Variants in ALS2CL observed in about 807,000 individuals in gnomAD.
The protein encoded by ALS2CL is ALS2 C-terminal like, also known as ALS2 C-terminal-like protein.
A neutral mutation model predicts 127.9 loss-of-function variants in ALS2CL; 112 were observed. The observed-to-expected ratio is 0.88, with a 90% CI of 0.75 to 1.02. The LOEUF (loss-of-function observed/expected upper bound fraction) is 1.02. ALS2CL is among the 50% of genes least tolerant of loss of function. The pLI is 0.00. For missense variants in ALS2CL, 1,174 were observed against 1,236.7 expected (o/e 0.95, Z 0.76); for synonymous variants, 519 against 527.6 (o/e 0.98, Z 0.22).
chr3:46,681,885 G>T lies in ALS2CL; in HGVS notation c.1175+144C>A. On this transcript the variant is annotated intron_variant, in intron 11 of 25. Coordinates refer to ENST00000318962, the MANE Select transcript of ALS2CL (RefSeq NM_147129.5). This position sits in a 1 kb window ranked among gnomAD's most constrained non-coding sequence, Gnocchi z 4.9. ...CCCCCGGTTCCCCTTTGGTACAGTGGGCGGGGGCTGGACCGGATTGTCTCT... is the reference window on the plus strand; with the variant it reads ...CCCCCGGTTCCCCTTTGGTACAGTGTGCGGGGGCTGGACCGGATTGTCTCT... The T allele has an allele frequency of 9.3e-7, 1 of 1,078,060 alleles. No homozygotes were observed. Among genetic ancestry groups the T allele is most frequent in the Non-Finnish European group, 1.4e-6 (1 of 738,322 alleles). The allele number at this position is 1,078,060 out of a possible 1,614,324, so 66.8% of individuals were successfully genotyped here. A position where few individuals can be genotyped will look rare whatever the true frequency, so the allele number is the denominator to read the frequency against.
Position 46,674,649 on chromosome 3 carries a change from C to G in ALS2CL, c.2346G>C (p.Arg782=), listed in dbSNP as rs1169646291. 3 of 1,614,150 alleles carry G rather than the reference C, an allele frequency of 1.9e-6. No individual in the cohort carries two copies. The highest frequency in any genetic ancestry group is 4.5e-5 in the East Asian group (2 of 44,866). Residue 782 remains arginine (R), a synonymous_variant, in exon 21 of 26, where the codon CGG becomes CGC. Coordinates refer to ENST00000318962, the MANE Select transcript of ALS2CL (RefSeq NM_147129.5). ...LFTLYLLLHE[R]EDSFYSQGIA... is the part of the protein sequence containing the mutation. ...TGCCCTGGCTGTAGAAGCTGTCCTC[C>G]CGCTCATGAAGCAGCAGGTAGAGCG...
chr3:46,671,462 C>T, intron 25 of ALS2CL, 26 bp downstream of exon 25: 1 of 1,613,506 alleles, frequency 6.2e-7, no homozygotes, highest in Non-Finnish European at 8.5e-7. Flanking sequence ...GCATTTCCAC[C>T]TCGGTCCACA....
Position 46,681,480 on chromosome 3 carries a change from C to T in ALS2CL, c.1274+20G>A. ...AGAGGATGGGCCCAGCCCATGAACCCCCCAGCCAGGGTCACTTACTCACAG... is the reference window on the plus strand; with the variant it reads ...AGAGGATGGGCCCAGCCCATGAACCTCCCAGCCAGGGTCACTTACTCACAG... On this transcript the variant is annotated intron_variant, in intron 12 of 25. Coordinates refer to ENST00000318962, the MANE Select transcript of ALS2CL (RefSeq NM_147129.5). The surrounding 1 kb of genome is among the most constrained non-coding windows in gnomAD (Gnocchi z 4.9). 1 of 1,614,076 alleles carries T rather than the reference C, an allele frequency of 6.2e-7. No individual in the cohort carries two copies. The highest frequency in any genetic ancestry group is 8.5e-7 in the Non-Finnish European group (1 of 1,179,924).
At position 46,681,892 on chromosome 3, in the gene ALS2CL, G is replaced by C; in HGVS notation, c.1175+137C>G. On this transcript the variant is annotated intron_variant, in intron 11 of 25. Coordinates refer to ENST00000318962, the MANE Select transcript of ALS2CL (RefSeq NM_147129.5). The surrounding 1 kb of genome is among the most constrained non-coding windows in gnomAD (Gnocchi z 4.9). ...TTCCCCTTTGGTACAGTGGGCGGGG[G>C]CTGGACCGGATTGTCTCTAAGTTCC... 2 of 1,130,736 alleles carry C rather than the reference G, an allele frequency of 1.8e-6. No individual in the cohort carries two copies. The highest frequency in any genetic ancestry group is 1.5e-5 in the South Asian group (1 of 67,220). 70.0% of individuals were successfully genotyped at this position (1,130,736 alleles called of 1,614,324 possible). A position where few individuals can be genotyped will look rare whatever the true frequency, so the allele number is the denominator to read the frequency against.
chr3:46,690,373 C>A (rs1318737525), intron 1 of ALS2CL, among the ~76,000 whole-genome samples: 1 of 152,220 alleles, frequency 6.6e-6, no homozygotes, highest in Non-Finnish European at 1.5e-5. Flanking sequence ...GGGGTGCCTG[C>A]TGGATGGGTG....
At chr3:46,677,360 T>G (rs1698943509) in intron 16 of ALS2CL, 1 of 1,110,602 alleles carries the variant, frequency 9.0e-7, no homozygotes, top group Non-Finnish European at 1.1e-6. Flanking sequence ...AGTCTGGGAT[T>G]CCCCTCCAAG....
intron 7 of ALS2CL, 43 bp downstream of exon 7, chr3:46,685,482 A>C: frequency 6.2e-7 from 1 of 1,605,684 alleles, no homozygotes; most frequent in South Asian, 1.1e-5. Flanking sequence ...AGACCCCAGA[A>C]CCCTACTGTG....
chr3:46,676,150 T>C, intron 19 of ALS2CL, 95 bp downstream of exon 19: 3 of 1,511,802 alleles, frequency 2.0e-6, no homozygotes, highest in Non-Finnish European at 2.7e-6. Context: ...AATCAGACAC[T>C]TGGCATTCCT....
intron 14 of ALS2CL, 170 bp from the exon 15 acceptor site, chr3:46,679,457 T>C (rs1699144805): frequency 1.9e-6 from 1 of 531,094 alleles, no homozygotes; most frequent in South Asian, 3.0e-5. Context: ...CTCTAGCCTT[T>C]GGCCTGCTAA....
intron 3 of ALS2CL, 125 bp from the exon 4 acceptor site, chr3:46,687,809 C>T (rs1699899839): frequency 9.5e-7 from 1 of 1,049,244 alleles, no homozygotes; most frequent in Non-Finnish European, 1.4e-6. Flanking sequence ...ACACAGTGGC[C>T]TGGCTCTGGG....
At position 46,673,324 on chromosome 3, in the gene ALS2CL, T is replaced by C; in HGVS notation, c.2472+15A>G. The C allele has an allele frequency of 1.9e-6, 3 of 1,558,878 alleles. No homozygotes were observed. In the South Asian group the frequency reaches 3.6e-5, roughly 18 times the overall value. Reference sequence around the variant, plus strand: ...TCTGGGGGCCCCTGGCTTGGGGCTCTGGCCTCCCTCTCACCTGATTGCTCG... The same window carrying C: ...TCTGGGGGCCCCTGGCTTGGGGCTCCGGCCTCCCTCTCACCTGATTGCTCG... On this transcript the variant is annotated intron_variant, in intron 22 of 25. Transcript: ENST00000318962.
At chr3:46,682,819 G>C (rs757010639) in intron 10 of ALS2CL, among the ~76,000 whole-genome samples, 4 of 152,224 alleles carry the variant, frequency 2.6e-5, no homozygotes, top group Non-Finnish European at 5.9e-5. Flanking sequence ...AACACTGCCA[G>C]ACAATGAGGT....
chr3:46,677,105 G>C, intron 16 of ALS2CL, 83 bp from the exon 17 acceptor site: 1 of 1,509,788 alleles, frequency 6.6e-7, no homozygotes, highest in Non-Finnish European at 8.8e-7. Flanking sequence ...CCCTTGGAGG[G>C]GTGGGGGTAT....
At chr3:46,689,628 C>T (rs1559485750) in intron 1 of ALS2CL, among the ~76,000 whole-genome samples, 163 bp from the exon 2 acceptor site, 1 of 152,202 alleles carries the variant, frequency 6.6e-6, no homozygotes, top group Non-Finnish European at 1.5e-5. Flanking sequence ...TGGCCACTGA[C>T]CTCTGCCCTG....
At position 46,676,873 on chromosome 3, in the gene ALS2CL, G is replaced by A; in HGVS notation, c.1907C>T (p.Ser636Phe). The A allele has an allele frequency of 6.2e-7, 1 of 1,613,308 alleles. No homozygotes were observed. The highest frequency in any genetic ancestry group is 8.5e-7 in the Non-Finnish European group (1 of 1,179,866). Residue 636 changes from serine to phenylalanine, a missense_variant, in exon 17 of 26, where the codon TCT (serine) becomes TTT (phenylalanine). Coordinates refer to ENST00000318962, the MANE Select transcript of ALS2CL (RefSeq NM_147129.5). The part of the protein sequence containing the change: ...DVQSSRELRR[S>F]QDYLSCERTH... The stretch of plus-strand genomic sequence containing the variant: ...CCTCTCGCAGGACAGGTAATCCTGA[G>A]ACCTACGCAGCTCCCTGGAGCTCTG...
chr3:46,671,797 C>A, intron 24 of ALS2CL, 87 bp downstream of exon 24: 1 of 1,574,390 alleles, frequency 6.4e-7, no homozygotes, highest in Admixed American at 1.8e-5. Flanking sequence ...CATCCATAAA[C>A]CCTGGGGTTC....
intron 20 of ALS2CL, 63 bp from the exon 21 acceptor site, chr3:46,674,802 T>A: frequency 2.1e-6 from 3 of 1,449,010 alleles, no homozygotes; most frequent in South Asian, 2.9e-5. Context: ...CTACTTGGAG[T>A]CTCGTCTCAA....
In ALS2CL at chr3:46,685,660, G is replaced by GGAC; in HGVS notation, c.667-19_667-17dup. 6.2e-7 allele frequency: 1 copy of GGAC among 1,612,136 alleles called. No homozygotes were observed. The highest frequency in any genetic ancestry group is 8.5e-7 in the Non-Finnish European group (1 of 1,179,186). ...AGAGCACATCCTGGTGGGGCAAAGA[G>GGAC]GACAGTACAAGGCTTAGGCACCTCT... On this transcript the variant is annotated splice_polypyrimidine_tract_variant and intron_variant, in intron 6 of 25. Transcript: ENST00000318962.
At position 46,671,934 on chromosome 3, in the gene ALS2CL, C is replaced by T. The variant is rs1698427983; in HGVS notation, c.2634G>A (p.Leu878=). The part of the protein sequence containing the change: ...VSRVLGREYK[L]PMDDLLPLLI... ...GAAGTGGCAGCAGGTCGTCCATGGG[C>T]AGCTTGTACTCCCGGCCCAATACCC... The change falls in exon 24 of 26, where the codon CTG becomes CTA. Residue 878 remains leucine, a synonymous_variant. Coordinates refer to ENST00000318962, the MANE Select transcript of ALS2CL (RefSeq NM_147129.5). 2.5e-6 allele frequency: 4 copies of T among 1,613,982 alleles called. No individual in the cohort carries two copies. The highest frequency in any genetic ancestry group is 3.4e-6 in the Non-Finnish European group (4 of 1,179,998).
Sources: allele counts gnomAD v4.1 joint callset (sites outside exome capture counted in the v4.1 genomes callset), GRCh38; gene constraint gnomAD v4.1.1; non-coding constraint Gnocchi (gnomAD v3.1); transcripts MANE v1.5; gene names NCBI Gene and HGNC (gene_info 2026-07-23, HGNC 2026-07-21).